CTH: variants seen among roughly 807,000 people sequenced by gnomAD.
CTH encodes cystathionine gamma-lyase, also known as cystathionase (cystathionine gamma-lyase).
A neutral mutation model predicts 50.6 loss-of-function variants in CTH; 41 were observed. The observed-to-expected ratio is 0.81, with a 90% CI of 0.63 to 1.05. CTH has a LOEUF of 1.05. Ranked by LOEUF, CTH falls within the 50% of genes least tolerant of loss-of-function variation. The probability of loss-of-function intolerance (pLI) is 0.00; values close to 1 mark genes in which losing one functional copy is unlikely to be tolerated. For synonymous variants in CTH, 156 were observed against 168.9 expected, an observed-to-expected ratio of 0.92 and a Z score of 0.59; for missense variants, 470 against 492.6, an observed-to-expected ratio of 0.95 and a Z score of 0.43.
At chr1:70,429,178 A>C (rs1684411627) in intron 5 of CTH, among the ~76,000 whole-genome samples, 1 of 152,224 alleles carries the variant, frequency 6.6e-6, no homozygotes, top group Non-Finnish European at 1.5e-5. Flanking sequence ...TGACAAGAAA[A>C]AAGTCTGTAC....
intron 3 of CTH, 52 bp from the exon 4 acceptor site, chr1:70,421,514 T>C (rs1200543580): frequency 6.4e-7 from 1 of 1,564,612 alleles, no homozygotes; most frequent in Admixed American, 1.7e-5. Context: ...AAGGAATGAA[T>C]GTTTCTTAAT....
Position 70,438,705 on chromosome 1 carries a change from C to T in CTH, c.1070C>T (p.Ala357Val). Residue 357 changes from alanine (A) to valine (V), a missense_variant, in exon 11 of 12, where the codon GCA (alanine) becomes GTA (valine). Physicochemically the swap from Ala to Val is moderately conservative, Grantham distance 64. Transcript: ENST00000370938. ...TCTTTCAGGGCAATCATGACTCATG[C>T]ATCAGTTCTTAAGAATGACAGAGAT... ...LAELPAIMTH[A>V]SVLKNDRDVL... 6.2e-7 allele frequency: 1 copy of T among 1,614,042 alleles called. No individual in the cohort carries two copies.
chr1:70,411,677 CT>C, intron 1 of CTH, 94 bp downstream of exon 1: 2 of 1,514,310 alleles, frequency 1.3e-6, no homozygotes, highest in Non-Finnish European at 1.8e-6. Flanking sequence ...TATAATATGA[CT>C]TATAAATTAG....
chr1:70,425,182 C>T (rs1296190676), intron 5 of CTH, among the ~76,000 whole-genome samples: 2 of 152,098 alleles, frequency 1.3e-5, no homozygotes, highest in African/African-American at 4.8e-5. Context: ...TTCAGCACTC[C>T]ATATACTATG....
In CTH at chr1:70,439,268, C is replaced by T. The variant is rs1407585543; in HGVS notation, c.*141C>T. On this transcript the variant is annotated 3_prime_UTR_variant, in exon 12 of 12. Transcript: ENST00000370938. Reference sequence around the variant, plus strand: ...CATTATCTTTCATAACTGTAATTTTCTTAGGGATCATCTCTGTTAAAAAGT... The same window carrying T: ...CATTATCTTTCATAACTGTAATTTTTTTAGGGATCATCTCTGTTAAAAAGT... 5.3e-6 allele frequency: 4 copies of T among 761,272 alleles called. No homozygotes were observed. Among genetic ancestry groups the T allele is most frequent in the African/African-American group, 5.2e-5 (3 of 57,870 alleles). The allele number at this position is 761,272 out of a possible 1,614,324, so 47.2% of individuals were successfully genotyped here. A position where few individuals can be genotyped will look rare whatever the true frequency, so the allele number is the denominator to read the frequency against.
At chr1:70,433,992 T>A in intron 9 of CTH, 43 bp downstream of exon 9, 1 of 1,610,842 alleles carries the variant, frequency 6.2e-7, no homozygotes, top group Non-Finnish European at 8.5e-7. Flanking sequence ...AGGTAAGGCC[T>A]TACAGCAGTT....
rs1377370153 is a variant in CTH, at chr1:70,415,936, C to T, written c.169-20C>T. 1 of 1,456,540 alleles carries T rather than the reference C, an allele frequency of 6.9e-7. No individual in the cohort carries two copies. Among genetic ancestry groups the T allele is most frequent in the East Asian group, 2.3e-5 (1 of 44,172 alleles). 90.2% of individuals were successfully genotyped at this position (1,456,540 alleles called of 1,614,324 possible). On this transcript the variant is annotated intron_variant, in intron 1 of 11. Coordinates refer to ENST00000370938, the MANE Select transcript of CTH (RefSeq NM_001902.6). ...ATAAACTGAAATCTCTTAGGATGAA[C>T]TCGAACTTGTTTTTTTCAGGGTTTT... is the stretch of plus-strand genomic sequence containing the variant.
chr1:70,439,448 A>C lies in CTH; in HGVS notation c.*321A>C. The C allele has an allele frequency of 3.6e-6, 1 of 275,930 alleles. No individual in the cohort carries two copies. The highest frequency in any genetic ancestry group is 6.8e-6 in the Non-Finnish European group (1 of 146,090). The allele number at this position is 275,930 out of a possible 1,614,324, so 17.1% of individuals were successfully genotyped here. On this transcript the variant is annotated 3_prime_UTR_variant, in exon 12 of 12. Transcript: ENST00000370938. Reference sequence around the variant, plus strand: ...AAGATTTATTTTGATCATGTTTATAATATAATGGTAATTCATTTTTGATGT... The same window carrying C: ...AAGATTTATTTTGATCATGTTTATACTATAATGGTAATTCATTTTTGATGT...
chr1:70,436,850 T>TA (rs776265994), intron 10 of CTH, among the ~76,000 whole-genome samples: 8 of 152,352 alleles, frequency 5.3e-5, no homozygotes, highest in Non-Finnish European at 1.0e-4. Context: ...CTCTCTTGTT[T>TA]AAAAAATTGT....
intron 3 of CTH, 52 bp downstream of exon 3, chr1:70,418,084 A>G (rs1684132351): frequency 1.9e-6 from 3 of 1,587,168 alleles, no homozygotes; most frequent in South Asian, 1.1e-5. Flanking sequence ...TACAGATAAT[A>G]AAGTGAGCCC....
intron 1 of CTH, among the ~76,000 whole-genome samples, chr1:70,413,473 C>T (rs4323657): frequency 0.25 from 37,358 of 151,190 alleles, 5,524 homozygotes; most frequent in Admixed American, 0.35. Flanking sequence ...ACCATGTTGG[C>T]CAGGCTGCTC....
intron 8 of CTH, among the ~76,000 whole-genome samples, chr1:70,432,654 T>C (rs1311576596): frequency 2.0e-5 from 3 of 151,492 alleles, no homozygotes; most frequent in African/African-American, 4.8e-5. Context: ...TATTAGGTGC[T>C]AAAATTCCCC....
intron 10 of CTH, among the ~76,000 whole-genome samples, chr1:70,438,393 G>T (rs112702689): frequency 6.6e-6 from 1 of 152,126 alleles, no homozygotes; most frequent in African/African-American, 2.4e-5. Flanking sequence ...ACATTGGGGA[G>T]GCTATGCCTT....
chr1:70,429,464 T>C (rs1052762581), intron 5 of CTH, among the ~76,000 whole-genome samples: 2 of 152,150 alleles, frequency 1.3e-5, no homozygotes, highest in Non-Finnish European at 2.9e-5. Context: ...AATACTAGAG[T>C]CTCTACTGTA....
intron 7 of CTH, chr1:70,431,258 T>G (rs1301432455): frequency 6.6e-6 from 1 of 152,206 alleles, no homozygotes; most frequent in Non-Finnish European, 1.5e-5. Context: ...TATTTTCATG[T>G]CCATCTTAAT....
intron 1 of CTH, among the ~76,000 whole-genome samples, chr1:70,413,664 G>A (rs552509949): frequency 1.3e-5 from 2 of 151,888 alleles, no homozygotes; most frequent in East Asian, 1.9e-4. Flanking sequence ...TTACCATTCA[G>A]GTGTGATATT....
chr1:70,411,394 T>C lies in CTH; in HGVS notation c.-22T>C. ...TTATATCTTCGGTGTTCTTTTCCTC[T>C]CTTCTTCTTTCGCGGTTCAGCATGC... On this transcript the variant is annotated 5_prime_UTR_variant, in exon 1 of 12. Transcript: ENST00000370938. 1 of 1,613,292 alleles carries C rather than the reference T, an allele frequency of 6.2e-7. No individual in the cohort carries two copies. Among genetic ancestry groups the C allele is most frequent in the Non-Finnish European group, 8.5e-7 (1 of 1,179,296 alleles).
intron 2 of CTH, among the ~76,000 whole-genome samples, chr1:70,416,305 T>C (rs1684090731): frequency 6.6e-6 from 1 of 152,220 alleles, no homozygotes; most frequent in Non-Finnish European, 1.5e-5. Flanking sequence ...ATTTATCATG[T>C]AGTATTCATG....
chr1:70,439,004 T>A (rs1367268336), intron 11 of CTH, 97 bp from the exon 12 acceptor site: 6 of 1,518,802 alleles, frequency 4.0e-6, no homozygotes, highest in Non-Finnish European at 5.5e-6. Flanking sequence ...AGTGCATATT[T>A]AAAGGATGGT....
Sources: gnomAD v4.1 joint callset for allele counts (sites outside exome capture counted in the v4.1 genomes callset) on GRCh38, gnomAD v4.1.1 for gene constraint, MANE v1.5 for transcripts, NCBI Gene and HGNC (gene_info 2026-07-23, HGNC 2026-07-21) for gene names.